HIRA: variants seen among roughly 807,000 people sequenced by gnomAD.
HIRA encodes the protein protein HIRA.
A neutral mutation model predicts 126.6 loss-of-function variants in HIRA; 13 were observed. The observed-to-expected ratio is 0.10, with a 90% confidence interval of 0.07 to 0.16. The LOEUF is 0.16. Ranked by LOEUF, HIRA falls within the 10% of genes least tolerant of loss-of-function variation. The pLI, the probability that HIRA is intolerant of heterozygous loss-of-function variation, is 1.00. For synonymous variants in HIRA, 511 were observed against 520.0 expected (o/e 0.98, Z 0.24); for missense variants, 834 against 1,314.4 (o/e 0.63, Z 5.65).
intron 16 of HIRA, 122 bp from the exon 17 acceptor site, chr22:19,361,463 G>A: frequency 1.2e-6 from 1 of 834,646 alleles, no homozygotes; most frequent in Non-Finnish European, 2.0e-6. Flanking sequence ...CTGGGAGGGA[G>A]GAAGCAGAGG....
intron 24 of HIRA, among the ~76,000 whole-genome samples, chr22:19,335,779 A>G (rs797027997): frequency 6.6e-6 from 1 of 152,136 alleles, no homozygotes; most frequent in South Asian, 2.1e-4. Flanking sequence ...ATAAACCCAA[A>G]TATCTGGTAG....
intron 24 of HIRA, among the ~76,000 whole-genome samples, chr22:19,337,784 C>A (rs186412265): frequency 1.3e-5 from 2 of 151,830 alleles, no homozygotes; most frequent in Non-Finnish European, 2.9e-5. Flanking sequence ...AACCTATACA[C>A]GAAAGCCTAT....
intron 17 of HIRA, among the ~76,000 whole-genome samples, chr22:19,359,806 G>A (rs942346136): frequency 4.6e-5 from 7 of 152,318 alleles, no homozygotes; most frequent in Middle Eastern, 3.4e-3. Flanking sequence ...ATCTCACAAG[G>A]GAGTAACGTG....
At chr22:19,376,254 C>T (rs969000833) in intron 14 of HIRA, among the ~76,000 whole-genome samples, 5 of 152,228 alleles carry the variant, frequency 3.3e-5, no homozygotes, top group South Asian at 4.1e-4. Context: ...CCATCCTGAG[C>T]GGCCCCTCCC....
chr22:19,405,601 G>A (rs2089301619), intron 5 of HIRA, 185 bp downstream of exon 5: 1 of 741,774 alleles, frequency 1.3e-6, no homozygotes. Context: ...CTGGAGACAG[G>A]TAGTGGACCC....
At chr22:19,429,426 G>T (rs1158715364) in intron 1 of HIRA, among the ~76,000 whole-genome samples, 1 of 152,008 alleles carries the variant, frequency 6.6e-6, no homozygotes, top group African/African-American at 2.4e-5. Flanking sequence ...ATGTGCCACC[G>T]TGCCCAGCCT....
rs567806614 is a variant in HIRA, at chr22:19,388,654, G to C, written c.937-100C>G. 6.9e-6 allele frequency: 6 copies of C among 872,402 alleles called. No individual in the cohort carries two copies. The South Asian group carries it at 7.0e-5, about 10-fold the overall frequency. The allele number at this position is 872,402 out of a possible 1,614,324, so 54.0% of individuals were successfully genotyped here. ...CAACCTAGAAGCCTGGGTCAAAGTGGCTGCTGATATTTAAGGCATCTTCAA... is the reference window on the plus strand; with the variant it reads ...CAACCTAGAAGCCTGGGTCAAAGTGCCTGCTGATATTTAAGGCATCTTCAA... On this transcript the variant is annotated intron_variant, in intron 9 of 24. Transcript: ENST00000263208.
intron 3 of HIRA, among the ~76,000 whole-genome samples, 178 bp downstream of exon 3, chr22:19,408,305 G>A (rs1451454987): frequency 1.3e-5 from 2 of 152,206 alleles, no homozygotes; most frequent in Non-Finnish European, 2.9e-5. Flanking sequence ...TTCTGTGGGC[G>A]GGCCGAGTCT....
chr22:19,429,428 G>A (rs900588143), intron 1 of HIRA, among the ~76,000 whole-genome samples: 2 of 152,024 alleles, frequency 1.3e-5, no homozygotes, highest in African/African-American at 4.8e-5. Flanking sequence ...GTGCCACCGT[G>A]CCCAGCCTCT....
intron 9 of HIRA, among the ~76,000 whole-genome samples, chr22:19,391,442 C>T (rs971737799): frequency 6.6e-6 from 1 of 151,880 alleles, no homozygotes; most frequent in Non-Finnish European, 1.5e-5. Context: ...CCAAACTGTA[C>T]CTTTCAGGTG....
intron 14 of HIRA, 111 bp downstream of exon 14, chr22:19,377,758 T>C: frequency 1.0e-6 from 1 of 998,566 alleles, no homozygotes. Context: ...TTCTTTCTTT[T>C]TTGATTGAAG....
chr22:19,399,479 A>G (rs1415701940), intron 5 of HIRA, among the ~76,000 whole-genome samples: 2 of 151,652 alleles, frequency 1.3e-5, no homozygotes, highest in African/African-American at 4.8e-5. Context: ...AGTATTCACT[A>G]CTATTAATTG....
intron 1 of HIRA, among the ~76,000 whole-genome samples, chr22:19,417,645 T>C (rs1439332753): frequency 6.6e-6 from 1 of 152,094 alleles, no homozygotes. Flanking sequence ...AATAAAAAGA[T>C]GGCTACTTAC....
chr22:19,349,006 A>C (rs1202717817), intron 24 of HIRA, among the ~76,000 whole-genome samples: 1 of 150,164 alleles, frequency 6.7e-6, no homozygotes, highest in African/African-American at 2.5e-5. Context: ...TTGGTCTCAA[A>C]CTCCTGACCT....
At chr22:19,332,303 A>G (rs781932733) in intron 24 of HIRA, among the ~76,000 whole-genome samples, 6 of 152,220 alleles carry the variant, frequency 3.9e-5, no homozygotes, top group African/African-American at 7.2e-5. Context: ...ACAGTAAAGA[A>G]TAAGTGTAAC....
chr22:19,375,809 G>A lies in HIRA; in HGVS notation c.1614-17C>T. The A allele has an allele frequency of 1.2e-6, 2 of 1,613,564 alleles. No individual in the cohort carries two copies. Among genetic ancestry groups the A allele is most frequent in the Non-Finnish European group, 1.7e-6 (2 of 1,179,618 alleles). ...GCATTCATACTGGGGTGAAGAAGAGGGGAGGCATGTCAAGCGCAATCCTGA... is the reference window on the plus strand; with the variant it reads ...GCATTCATACTGGGGTGAAGAAGAGAGGAGGCATGTCAAGCGCAATCCTGA... On this transcript the variant is annotated splice_polypyrimidine_tract_variant and intron_variant, in intron 14 of 24. Coordinates refer to ENST00000263208, the MANE Select transcript of HIRA (RefSeq NM_003325.4).
intron 17 of HIRA, 73 bp downstream of exon 17, chr22:19,361,164 G>C: frequency 8.8e-7 from 1 of 1,139,222 alleles, no homozygotes; most frequent in Non-Finnish European, 1.3e-6. Context: ...GACAAGATAG[G>C]ATTTGTATGC....
At chr22:19,376,912 C>T (rs1390401343) in intron 14 of HIRA, among the ~76,000 whole-genome samples, 1 of 152,174 alleles carries the variant, frequency 6.6e-6, no homozygotes, top group African/African-American at 2.4e-5. Flanking sequence ...CTATTTGGGG[C>T]ACCACCGCCT....
chr22:19,391,522 C>T (rs1031311552), intron 9 of HIRA, among the ~76,000 whole-genome samples: 52 of 149,436 alleles, frequency 3.5e-4, no homozygotes, highest in African/African-American at 1.3e-3. Context: ...CGCTCTGTTG[C>T]CCAGGCTGGA....
Sources: allele counts gnomAD v4.1 joint callset (sites outside exome capture counted in the v4.1 genomes callset), GRCh38; gene constraint gnomAD v4.1.1; transcripts MANE v1.5; gene names NCBI Gene and HGNC (gene_info 2026-07-23, HGNC 2026-07-21).